Variants in GLCE observed in about 807,000 individuals in gnomAD.
GLCE encodes glucuronic acid epimerase.
Under a neutral mutation model 47.9 loss-of-function variants are expected in GLCE, and 19 were observed. That is an observed-to-expected ratio of 0.40 (90% CI 0.28 to 0.58). The LOEUF (loss-of-function observed/expected upper bound fraction) is 0.58. GLCE is among the 20% of genes least tolerant of loss of function. The probability of loss-of-function intolerance (pLI) is 0.48; values close to 1 mark genes in which losing one functional copy is unlikely to be tolerated. For synonymous variants in GLCE, 245 were observed against 263.4 expected, an observed-to-expected ratio of 0.93 and a Z score of 0.68; for missense variants, 556 against 743.3, an observed-to-expected ratio of 0.75 and a Z score of 2.93.
chr15:69,172,740 C>T (rs1595734651), intron 1 of GLCE, among the ~76,000 whole-genome samples: 1 of 152,266 alleles, frequency 6.6e-6, no homozygotes, highest in East Asian at 1.9e-4. Context: ...TGGTGTGCCT[C>T]AAGAAGCTAT....
At chr15:69,193,579 G>A (rs931667647) in intron 1 of GLCE, among the ~76,000 whole-genome samples, 29 of 151,798 alleles carry the variant, frequency 1.9e-4, no homozygotes, top group African/African-American at 6.8e-4. Context: ...TCAAATTTTT[G>A]TATTCACAAA....
intron 2 of GLCE, among the ~76,000 whole-genome samples, chr15:69,248,534 T>G (rs2052788230): frequency 6.6e-6 from 1 of 152,166 alleles, no homozygotes; most frequent in African/African-American, 2.4e-5. Flanking sequence ...GCTTGCTTGC[T>G]TTCAAGAAAG....
chr15:69,162,691 C>G (rs975924384), intron 1 of GLCE, among the ~76,000 whole-genome samples: 1 of 152,166 alleles, frequency 6.6e-6, no homozygotes, highest in African/African-American at 2.4e-5. Context: ...CATCCCCACC[C>G]CCAGTAGAGG....
rs889098244 is a variant in GLCE, at chr15:69,175,849, A to G, written c.-105+15092A>G. Among the ~76,000 whole-genome samples, 7 of 152,308 alleles carry G rather than the reference A, an allele frequency of 4.6e-5. 1 individual carries two copies. The South Asian group carries it at 1.4e-3, about 32-fold the overall frequency. ...TCTGCAATGTAAATTGCTATTTTCC[A>G]GTTATTTTACTTAAATTAAAACAAA... is the stretch of plus-strand genomic sequence containing the variant. On this transcript the variant is annotated intron_variant, in intron 1 of 4. Transcript: ENST00000261858.
chr15:69,260,859 A>G (rs929801879), intron 3 of GLCE: 1 of 479,854 alleles, frequency 2.1e-6, no homozygotes, highest in South Asian at 3.7e-5. Context: ...GCGTTGCACT[A>G]TTTGTTAACA....
At chr15:69,254,979 A>G (rs1188032612) in intron 2 of GLCE, among the ~76,000 whole-genome samples, 2 of 152,298 alleles carry the variant, frequency 1.3e-5, no homozygotes, top group African/African-American at 4.8e-5. Flanking sequence ...AAAGAAGAGA[A>G]GAACAGCCAG....
chr15:69,198,888 C>G (rs1457626308), intron 1 of GLCE, among the ~76,000 whole-genome samples: 1 of 152,056 alleles, frequency 6.6e-6, no homozygotes, highest in Non-Finnish European at 1.5e-5. Flanking sequence ...GTTACTAGGT[C>G]TAGCCCACAC....
intron 1 of GLCE, among the ~76,000 whole-genome samples, chr15:69,195,570 A>T (rs1170779923): frequency 6.6e-6 from 1 of 152,126 alleles, no homozygotes; most frequent in East Asian, 1.9e-4. Context: ...ACTTTAGATT[A>T]TCCATGGAAA....
At chr15:69,259,472 T>G (rs984628813) in intron 3 of GLCE, among the ~76,000 whole-genome samples, 1 of 152,210 alleles carries the variant, frequency 6.6e-6, no homozygotes, top group Non-Finnish European at 1.5e-5. Context: ...TTTTATGGTT[T>G]CATTTTTTTA....
At position 69,218,149 on chromosome 15, in the gene GLCE, CAAAAAAA is replaced by C. The variant is rs773040702; in HGVS notation, c.-14+7758_-14+7764del. Among the ~76,000 whole-genome samples the C allele has an allele frequency of 1.6e-3, 90 of 54,612 alleles. 1 individual carries two copies. Among genetic ancestry groups the C allele is most frequent in the African/African-American group, 4.2e-3 (62 of 14,636 alleles). 35.8% of individuals were successfully genotyped at this position (54,612 alleles called of 152,430 possible). On this transcript the variant is annotated intron_variant, in intron 2 of 4. Transcript: ENST00000261858. ...CCTGGGTGACAGAGCGAGACTGTCT[CAAAAAAA>C]AAAAAAAAAAAAAAGGAAATTCACA...
chr15:69,219,541 G>A (rs958912708), intron 2 of GLCE, among the ~76,000 whole-genome samples: 1 of 152,094 alleles, frequency 6.6e-6, no homozygotes, highest in Non-Finnish European at 1.5e-5. Flanking sequence ...GCCTTTGTAA[G>A]TAATCACAAG....
rs762801620 is a variant in GLCE at position 69,239,347 on chromosome 15, G to A, written c.-13-16447G>A. ...TAGCTTTCTTAGGGCATAAGGTGATGTAGAAAGATAGAAAGCACCTAGGTC... is the reference window on the plus strand; with the variant it reads ...TAGCTTTCTTAGGGCATAAGGTGATATAGAAAGATAGAAAGCACCTAGGTC... On this transcript the variant is annotated intron_variant, in intron 2 of 4. Coordinates refer to ENST00000261858, the MANE Select transcript of GLCE (RefSeq NM_015554.3). Among the ~76,000 whole-genome samples, 57 of 152,186 alleles carry A rather than the reference G, an allele frequency of 3.7e-4. 1 individual carries two copies. The highest frequency in any genetic ancestry group is 6.0e-4 in the Non-Finnish European group (41 of 68,030).
chr15:69,266,688 C>T (rs2053091507), intron 4 of GLCE: 6 of 795,630 alleles, frequency 7.5e-6, no homozygotes, highest in Non-Finnish European at 9.1e-6. Flanking sequence ...AAGCATAGAT[C>T]TGCTTCTATG....
intron 3 of GLCE, among the ~76,000 whole-genome samples, chr15:69,260,461 T>C (rs2052998433): frequency 1.3e-5 from 2 of 152,050 alleles, no homozygotes; most frequent in African/African-American, 2.4e-5. Flanking sequence ...GGTTTCACCG[T>C]GTTGCCCAGG....
chr15:69,192,375 A>T (rs1011254304), intron 1 of GLCE, among the ~76,000 whole-genome samples: 1 of 151,586 alleles, frequency 6.6e-6, no homozygotes, highest in Non-Finnish European at 1.5e-5. Context: ...TATTTCAAGT[A>T]TTTTTTTATA....
chr15:69,218,023 G>A (rs971080080), intron 2 of GLCE, among the ~76,000 whole-genome samples: 5 of 151,676 alleles, frequency 3.3e-5, no homozygotes, highest in East Asian at 2.0e-4. Context: ...GCGTGGTGGT[G>A]CGCACCTGTA....
At chr15:69,196,984 G>T in intron 1 of GLCE, 1 of 268,768 alleles carries the variant, frequency 3.7e-6, no homozygotes, top group South Asian at 4.6e-5. Context: ...AAATGTTAAT[G>T]GTCACTGTTT....
intron 1 of GLCE, among the ~76,000 whole-genome samples, chr15:69,202,137 C>T (rs1023140095): frequency 1.3e-5 from 2 of 152,024 alleles, no homozygotes; most frequent in African/African-American, 2.4e-5. Context: ...CCAGGCTGGT[C>T]TTGAGCTCCT....
chr15:69,203,955 A>C (rs898758123), intron 1 of GLCE, among the ~76,000 whole-genome samples: 1 of 152,138 alleles, frequency 6.6e-6, no homozygotes, highest in Admixed American at 6.6e-5. Context: ...CCTAAGGTAC[A>C]TGTAGGAACC....
Sources: gnomAD v4.1 joint callset for allele counts (sites outside exome capture counted in the v4.1 genomes callset) on GRCh38, gnomAD v4.1.1 for gene constraint, MANE v1.5 for transcripts, NCBI Gene and HGNC (gene_info 2026-07-23, HGNC 2026-07-21) for gene names.